The following NDST4 variants were observed in gnomAD, a reference collection of about 807,000 sequenced individuals.
The protein encoded by NDST4 is N-deacetylase and N-sulfotransferase 4, also known as N-heparan sulfate sulfotransferase 4.
In NDST4, 63 loss-of-function variants were observed where a neutral mutation model predicts 100.8. That is an observed-to-expected ratio of 0.62 (90% CI 0.51 to 0.77). The LOEUF (loss-of-function observed/expected upper bound fraction) is 0.77, where lower values mean the gene tolerates loss of function less well. NDST4 is among the 30% of genes least tolerant of loss of function. The pLI is 0.00. For synonymous variants in NDST4, 377 were observed against 361.8 expected (o/e 1.04, Z -0.48); for missense variants, 943 against 1,018.4 (o/e 0.93, Z 1.01).
chr4:114,969,010 G>T (rs753757195), intron 4 of NDST4, among the ~76,000 whole-genome samples: 1 of 152,068 alleles, frequency 6.6e-6, no homozygotes, highest in Non-Finnish European at 1.5e-5. Flanking sequence ...AAATATGAGA[G>T]CCACTGGTCT....
chr4:115,102,682 T>C, intron 1 of NDST4, among the ~76,000 whole-genome samples: 1 of 145,124 alleles, frequency 6.9e-6, no homozygotes, highest in African/African-American at 2.5e-5. Context: ...TGGTCATTTA[T>C]ATACCATATA....
intron 2 of NDST4, among the ~76,000 whole-genome samples, chr4:114,995,547 C>A (rs1027726481): frequency 6.6e-6 from 1 of 151,974 alleles, no homozygotes; most frequent in Admixed American, 6.6e-5. Flanking sequence ...TCATTTTGTA[C>A]TGCCTAATGT....
At chr4:114,941,295 T>C (rs1725744623) in intron 4 of NDST4, among the ~76,000 whole-genome samples, 2 of 152,174 alleles carry the variant, frequency 1.3e-5, no homozygotes, top group African/African-American at 4.8e-5. Flanking sequence ...ATTCATCATC[T>C]TTGCTCTTAC....
chr4:114,866,307 C>A (rs180873172), intron 7 of NDST4, among the ~76,000 whole-genome samples: 99 of 152,304 alleles, frequency 6.5e-4, no homozygotes, highest in African/African-American at 2.2e-3. Flanking sequence ...CTTACCTGTC[C>A]TGAGTAAAGG....
intron 4 of NDST4, 32 bp downstream of exon 4, chr4:114,970,398 G>A (rs771575973): frequency 2.5e-6 from 4 of 1,589,938 alleles, no homozygotes; most frequent in Non-Finnish European, 3.4e-6. Flanking sequence ...ACAACTTATA[G>A]TTCAAAAGAT....
At chr4:114,884,746 G>A (rs1382487988) in intron 6 of NDST4, among the ~76,000 whole-genome samples, 1 of 152,106 alleles carries the variant, frequency 6.6e-6, no homozygotes, top group Non-Finnish European at 1.5e-5. Flanking sequence ...GTCATAGAAA[G>A]CATATGAATG....
intron 1 of NDST4, among the ~76,000 whole-genome samples, chr4:115,107,425 G>T (rs1397425281): frequency 6.6e-6 from 1 of 151,786 alleles, no homozygotes; most frequent in African/African-American, 2.4e-5. Context: ...AATAGACAGA[G>T]ACAAAATTCA....
At chr4:114,934,767 A>G (rs1350621176) in intron 6 of NDST4, among the ~76,000 whole-genome samples, 1 of 151,630 alleles carries the variant, frequency 6.6e-6, no homozygotes, top group African/African-American at 2.4e-5. Flanking sequence ...TGTTACAAAA[A>G]TAATAAGAAT....
chr4:115,027,287 T>C (rs916854758), intron 2 of NDST4, among the ~76,000 whole-genome samples: 7 of 152,156 alleles, frequency 4.6e-5, no homozygotes, highest in African/African-American at 7.2e-5. Flanking sequence ...CCGTCTGGGA[T>C]GGAAGACAGA....
intron 2 of NDST4, among the ~76,000 whole-genome samples, chr4:115,015,304 T>C (rs909613235): frequency 5.3e-5 from 8 of 152,076 alleles, no homozygotes; most frequent in Admixed American, 5.2e-4. Context: ...CTGTGTGAAA[T>C]GCAGGCAAGA....
intron 6 of NDST4, among the ~76,000 whole-genome samples, chr4:114,921,981 T>C (rs1483955939): frequency 6.6e-6 from 1 of 151,238 alleles, no homozygotes; most frequent in East Asian, 2.0e-4. Context: ...CATTAACAAT[T>C]CATGTGAAAG....
chr4:115,099,382 A>G (rs111385114), intron 1 of NDST4, among the ~76,000 whole-genome samples: 3,501 of 152,252 alleles, frequency 0.023, 81 homozygotes, highest in African/African-American at 0.051. Flanking sequence ...ATGACAGGCT[A>G]CAAACTGGGA....
At chr4:115,055,012 C>T (rs1436613373) in intron 2 of NDST4, among the ~76,000 whole-genome samples, 2 of 152,056 alleles carry the variant, frequency 1.3e-5, no homozygotes, top group East Asian at 1.9e-4. Context: ...TACAGCTGCT[C>T]CCATCACTTG....
At chr4:114,852,953 C>G in intron 7 of NDST4, 132 bp from the exon 8 acceptor site, 4 of 546,254 alleles carry the variant, frequency 7.3e-6, no homozygotes, top group Non-Finnish European at 1.3e-5. Flanking sequence ...CACTCTCGTT[C>G]TCTGGTTTCC....
At chr4:115,056,189 A>G (rs1728690222) in intron 2 of NDST4, among the ~76,000 whole-genome samples, 1 of 151,934 alleles carries the variant, frequency 6.6e-6, no homozygotes, top group Admixed American at 6.6e-5. Context: ...TCATCTCTAC[A>G]AAAGATATAA....
At chr4:115,046,189 T>C (rs1728461139) in intron 2 of NDST4, among the ~76,000 whole-genome samples, 1 of 152,138 alleles carries the variant, frequency 6.6e-6, no homozygotes, top group South Asian at 2.1e-4. Context: ...GCTTCCTAGC[T>C]GGTATCTCCT....
At chr4:114,922,050 C>T (rs945730627) in intron 6 of NDST4, among the ~76,000 whole-genome samples, 17 of 152,116 alleles carry the variant, frequency 1.1e-4, no homozygotes, top group Non-Finnish European at 2.2e-4. Context: ...CACCCCCCAC[C>T]GCCTTCCAGT....
intron 6 of NDST4, among the ~76,000 whole-genome samples, chr4:114,922,681 A>T (rs1409304202): frequency 6.6e-6 from 1 of 152,180 alleles, no homozygotes; most frequent in East Asian, 1.9e-4. Context: ...AGGTTTCAGG[A>T]GACCTGTGTA....
chr4:114,899,542 T>A (rs1227474920), intron 6 of NDST4, among the ~76,000 whole-genome samples: 4 of 151,672 alleles, frequency 2.6e-5, no homozygotes, highest in African/African-American at 4.8e-5. Flanking sequence ...TTTTTTTTTT[T>A]AATCATGAAT....
Sources: gnomAD v4.1 joint callset for allele counts (sites outside exome capture counted in the v4.1 genomes callset) on GRCh38, gnomAD v4.1.1 for gene constraint, MANE v1.5 for transcripts, NCBI Gene and HGNC (gene_info 2026-07-23, HGNC 2026-07-21) for gene names.